C12orf42: variants seen among roughly 807,000 people sequenced by gnomAD.
The protein encoded by C12orf42 is chromosome 12 open reading frame 42, also known as uncharacterized protein C12orf42.
A neutral mutation model predicts 21.6 loss-of-function variants in C12orf42; 25 were observed. The ratio of observed to expected loss-of-function variants is 1.16; its 90% CI spans 0.84 to 1.62. The LOEUF is 1.62. C12orf42 is among the 40% of genes most tolerant of loss of function. The pLI is 0.00. For synonymous variants in C12orf42, 174 were observed against 175.0 expected (o/e 0.99, Z 0.05); for missense variants, 483 against 459.3 (o/e 1.05, Z -0.47).
chr12:103,394,118 A>C (rs1046618855), intron 3 of C12orf42, among the ~76,000 whole-genome samples: 2 of 152,206 alleles, frequency 1.3e-5, no homozygotes, highest in East Asian at 3.8e-4. Flanking sequence ...CTCATACTTA[A>C]ATGCCCAAAG....
At chr12:103,123,093 T>C in the C12orf42 span, among the ~76,000 whole-genome samples, 11 of 152,222 alleles carry the variant, frequency 7.2e-5, no homozygotes, top group Non-Finnish European at 1.5e-4. Context: ...CAAGAGCTTC[T>C]ACAGAAACTG....
chr12:103,064,383 G>A, the C12orf42 span, among the ~76,000 whole-genome samples: 1 of 152,184 alleles, frequency 6.6e-6, no homozygotes, highest in Non-Finnish European at 1.5e-5. Flanking sequence ...GGACAGCAGA[G>A]GCAAAGCACC....
intron 1 of C12orf42, among the ~76,000 whole-genome samples, chr12:103,490,296 T>A (rs1328095954): frequency 1.3e-5 from 2 of 152,240 alleles, no homozygotes; most frequent in Non-Finnish European, 2.9e-5. Flanking sequence ...TGCCAGCTCA[T>A]AAATGCATCT....
chr12:103,105,875 T>C, the C12orf42 span, among the ~76,000 whole-genome samples: 1 of 152,116 alleles, frequency 6.6e-6, no homozygotes, highest in Non-Finnish European at 1.5e-5. Flanking sequence ...AAAGAGATGT[T>C]AATGACAAGG....
chr12:103,391,035 A>G (rs1244572095), intron 3 of C12orf42, among the ~76,000 whole-genome samples: 1 of 152,208 alleles, frequency 6.6e-6, no homozygotes, highest in Non-Finnish European at 1.5e-5. Context: ...ATCACACTGC[A>G]TATTAGTGGA....
chr12:103,497,057 T>G (rs1052607780), upstream of C12orf42, among the ~76,000 whole-genome samples: 1 of 152,210 alleles, frequency 6.6e-6, no homozygotes, highest in African/African-American at 2.4e-5. Context: ...AATTTCTAGA[T>G]AGAAACACCA....
chr12:103,269,072 A>C (rs2035312204), intron 6 of C12orf42: 1 of 152,246 alleles, frequency 6.6e-6, no homozygotes, highest in Non-Finnish European at 1.5e-5. Context: ...GAGGGAAATG[A>C]CTTCTGATGA....
intron 2 of C12orf42, among the ~76,000 whole-genome samples, chr12:103,410,464 T>C (rs1383083256): frequency 6.6e-6 from 1 of 152,218 alleles, no homozygotes; most frequent in African/African-American, 2.4e-5. Flanking sequence ...ATAGCTTAAA[T>C]GCCAACTTAG....
At chr12:103,287,382 T>C (rs1048210321) in intron 4 of C12orf42, among the ~76,000 whole-genome samples, 43 of 152,102 alleles carry the variant, frequency 2.8e-4, no homozygotes, top group African/African-American at 1.0e-3. Context: ...CCATAAAAAA[T>C]GATGAGTTCA....
At chr12:103,229,975 T>G in the C12orf42 span, among the ~76,000 whole-genome samples, 2 of 152,098 alleles carry the variant, frequency 1.3e-5, no homozygotes, top group Non-Finnish European at 2.9e-5. Flanking sequence ...ATGAAAAAGT[T>G]TGTAAACCTG....
intron 2 of C12orf42, among the ~76,000 whole-genome samples, chr12:103,451,091 T>C (rs555720694): frequency 4.3e-4 from 66 of 152,264 alleles, no homozygotes; most frequent in African/African-American, 1.4e-3. Context: ...GACACCGCAA[T>C]GCTGAGGTCT....
At chr12:103,165,767 C>T in the C12orf42 span, among the ~76,000 whole-genome samples, 2 of 151,966 alleles carry the variant, frequency 1.3e-5, no homozygotes, top group African/African-American at 2.4e-5. Flanking sequence ...CCAGGCCGGG[C>T]GCGGTGGCTC....
intron 4 of C12orf42, among the ~76,000 whole-genome samples, chr12:103,315,539 C>A (rs1057209384): frequency 6.6e-6 from 1 of 151,826 alleles, no homozygotes; most frequent in Non-Finnish European, 1.5e-5. Context: ...AGAAAAAAAA[C>A]CCAGAACATA....
the C12orf42 span, among the ~76,000 whole-genome samples, chr12:103,215,285 C>A: frequency 2.6e-5 from 4 of 151,742 alleles, no homozygotes; most frequent in African/African-American, 9.7e-5. Flanking sequence ...AATACTAATG[C>A]AAATATAAAT....
intron 4 of C12orf42, among the ~76,000 whole-genome samples, chr12:103,288,892 CTT>C (rs1384153510): frequency 6.6e-6 from 1 of 152,100 alleles, no homozygotes; most frequent in Non-Finnish European, 1.5e-5. Flanking sequence ...ATAATATAAA[CTT>C]GAACAAAAAA....
the C12orf42 span, among the ~76,000 whole-genome samples, chr12:103,225,370 A>G: frequency 1.3e-5 from 2 of 152,210 alleles, no homozygotes; most frequent in Non-Finnish European, 2.9e-5. Flanking sequence ...ATGCTATAGC[A>G]GGTGAGTGAT....
At chr12:103,544,568 T>C in the C12orf42 span, among the ~76,000 whole-genome samples, 1 of 152,246 alleles carries the variant, frequency 6.6e-6, no homozygotes, top group South Asian at 2.1e-4. Flanking sequence ...TGGAAAATAC[T>C]TGGCCATTAT....
the C12orf42 span, among the ~76,000 whole-genome samples, chr12:103,172,269 G>C: frequency 2.9e-3 from 446 of 152,220 alleles, 2 homozygotes; most frequent in Middle Eastern, 3.4e-3. Context: ...GGGGAGTTGA[G>C]TGGGTAGAAG....
intron 4 of C12orf42, among the ~76,000 whole-genome samples, chr12:103,342,229 C>T (rs141118344): frequency 2.0e-4 from 31 of 152,252 alleles, no homozygotes; most frequent in African/African-American, 6.0e-4. Context: ...ACTTGATGGG[C>T]TCCTCAACCT....
Sources: allele counts gnomAD v4.1 joint callset (sites outside exome capture counted in the v4.1 genomes callset), GRCh38; gene constraint gnomAD v4.1.1; transcripts MANE v1.5; gene names NCBI Gene and HGNC (gene_info 2026-07-23, HGNC 2026-07-21).